Variants in PCDHGA2 observed in about 807,000 individuals in gnomAD.
PCDHGA2 encodes the protein protocadherin gamma subfamily A, 2.
Under a neutral mutation model 59.2 loss-of-function variants are expected in PCDHGA2, and 40 were observed. That is an observed-to-expected ratio of 0.68 (90% CI 0.52 to 0.88). The LOEUF is 0.88. Ranked by LOEUF, PCDHGA2 falls within the 40% of genes least tolerant of loss-of-function variation. The pLI, the probability that PCDHGA2 is intolerant of heterozygous loss-of-function variation, is 0.00. For missense variants in PCDHGA2, 1,226 were observed against 1,204.0 expected (o/e 1.02, Z -0.27); for synonymous variants, 560 against 526.0 (o/e 1.06, Z -0.89).
intron 1 of PCDHGA2, chr5:141,374,195 G>T (rs1770254935): frequency 1.2e-6 from 2 of 1,613,752 alleles, no homozygotes; most frequent in East Asian, 2.2e-5. Context: ...TATTCCCGAG[G>T]AGCTGGAGAA....
Position 141,424,835 on chromosome 5 carries a change from T to C in PCDHGA2, c.2425-69972T>C, listed in dbSNP as rs999861185. Among the ~76,000 whole-genome samples, 20 of 152,310 alleles carry C rather than the reference T, an allele frequency of 1.3e-4. No individual in the cohort carries two copies. The South Asian group carries it at 3.5e-3, about 27-fold the overall frequency. On this transcript the variant is annotated intron_variant, in intron 1 of 3. Coordinates refer to ENST00000394576, the MANE Select transcript of PCDHGA2 (RefSeq NM_018915.4). ...AAGCTTGATAGTTGCCTGACATACA[T>C]GTTATCTGAAGCAATGTCTAGGAAA... is the stretch of plus-strand genomic sequence containing the variant.
At chr5:141,495,974 CTCTT>C (rs1562171251) in intron 2 of PCDHGA2, among the ~76,000 whole-genome samples, 2 of 152,032 alleles carry the variant, frequency 1.3e-5, no homozygotes, top group Non-Finnish European at 1.5e-5. Context: ...TTCTCTGTTA[CTCTT>C]TCTTTATCTC....
At chr5:141,390,830 G>A in intron 1 of PCDHGA2, 1 of 164,036 alleles carries the variant, frequency 6.1e-6, no homozygotes, top group Non-Finnish European at 1.3e-5. Flanking sequence ...TATGTCCATG[G>A]ACCCCTTGTG....
At chr5:141,377,620 ATT>A (rs1307213511) in intron 1 of PCDHGA2, 1 of 149,664 alleles carries the variant, frequency 6.7e-6, no homozygotes, top group Non-Finnish European at 1.5e-5. Context: ...AAAAAAAAAG[ATT>A]TTGTTTTTTC....
intron 1 of PCDHGA2, chr5:141,409,037 T>G (rs770619339): frequency 1.2e-6 from 2 of 1,613,992 alleles, no homozygotes; most frequent in South Asian, 2.2e-5. Context: ...TGAGATAAAC[T>G]ACTACTTCCG....
intron 1 of PCDHGA2, chr5:141,395,576 G>A: frequency 4.2e-6 from 1 of 237,360 alleles, no homozygotes; most frequent in Non-Finnish European, 8.1e-6. Flanking sequence ...GTGTGTGTGT[G>A]TGTGTGTGTG....
In PCDHGA2 at chr5:141,340,943, G is replaced by A. The variant is rs1757003557; in HGVS notation, c.1972G>A (p.Val658Ile). The A allele has an allele frequency of 6.2e-7, 1 of 1,613,692 alleles. No individual in the cohort carries two copies. The highest frequency in any genetic ancestry group is 1.3e-5 in the African/African-American group (1 of 74,926). The change falls in exon 1 of 4, where the codon GTC becomes ATC. Residue 658 changes from valine to isoleucine, a missense_variant. Transcript: ENST00000394576. ...CGGCCAGCCCCCTCTCTCCGCCACT[G>A]TCACGCTCACCGTGGCCGTGGCCGA... is the stretch of plus-strand genomic sequence containing the variant. ...DHGQPPLSAT[V>I]TLTVAVADRI...
At chr5:141,479,470 T>G (rs2099497188) in intron 1 of PCDHGA2, 1 of 152,250 alleles carries the variant, frequency 6.6e-6, no homozygotes, top group African/African-American at 2.4e-5. Context: ...CAGTGACCTC[T>G]TGGGAGGGCA....
At chr5:141,370,379 A>G in intron 1 of PCDHGA2, 2 of 1,529,484 alleles carry the variant, frequency 1.3e-6, no homozygotes, top group Non-Finnish European at 1.8e-6. Flanking sequence ...AGAAAGGCAA[A>G]GGCGCAGAGA....
At position 141,432,688 on chromosome 5, in the gene PCDHGA2, A is replaced by G. The variant is rs143889434; in HGVS notation, c.2425-62119A>G. On this transcript the variant is annotated intron_variant, in intron 1 of 3. Coordinates refer to ENST00000394576, the MANE Select transcript of PCDHGA2 (RefSeq NM_018915.4). The surrounding 1 kb of genome is among the most constrained non-coding windows in gnomAD (Gnocchi z 6.0). ...GAGACGCGCTCAAGCAGAGCCTCGT[A>G]GTGGCCGTCCAGGACCACGGCCAGC... 2,218 of 1,613,894 alleles carry G rather than the reference A, an allele frequency of 1.4e-3. 31 individuals are homozygous for G. The African/African-American group carries it at 0.023, about 17-fold the overall frequency.
At chr5:141,345,063 G>T in intron 1 of PCDHGA2, 1 of 1,613,936 alleles carries the variant, frequency 6.2e-7, no homozygotes, top group Non-Finnish European at 8.5e-7. Flanking sequence ...GAATGACAAT[G>T]CTCCAGAAAT....
rs1412247634 is a variant in PCDHGA2, at chr5:141,391,586, A to AAT, written c.2424+50195_2424+50196dup. 2.0e-5 allele frequency: 3 copies of AAT among 152,352 alleles called. No homozygotes were observed. In the South Asian group the frequency reaches 6.2e-4, roughly 32 times the overall value. The allele number at this position is 152,352 out of a possible 1,614,324, so 9.4% of individuals were successfully genotyped here. ...GCATAAGAAAATATATTCACAGGAA[A>AAT]ATATAAAGTTTTCAGATTTCATGAG... On this transcript the variant is annotated intron_variant, in intron 1 of 3. Coordinates refer to ENST00000394576, the MANE Select transcript of PCDHGA2 (RefSeq NM_018915.4).
intron 1 of PCDHGA2, chr5:141,352,748 A>C: frequency 2.1e-6 from 3 of 1,432,690 alleles, no homozygotes; most frequent in Non-Finnish European, 2.8e-6. Context: ...CCAGCACTTA[A>C]CCAGGCTGAG....
At chr5:141,483,323 G>A (rs2099579999) in intron 1 of PCDHGA2, among the ~76,000 whole-genome samples, 1 of 152,104 alleles carries the variant, frequency 6.6e-6, no homozygotes, top group Non-Finnish European at 1.5e-5. Flanking sequence ...GGGACTGGAG[G>A]CAAAGAGATC....
chr5:141,353,792 A>G (rs1327705578), intron 1 of PCDHGA2, among the ~76,000 whole-genome samples: 1 of 152,212 alleles, frequency 6.6e-6, no homozygotes, highest in African/African-American at 2.4e-5. Context: ...TTATTTCCAA[A>G]CATCTTATTT....
intron 1 of PCDHGA2, chr5:141,478,675 G>A (rs1264846161): frequency 6.4e-7 from 1 of 1,551,574 alleles, no homozygotes; most frequent in South Asian, 1.2e-5. Context: ...ACTTTCAACT[G>A]GCCCTTCCTA....
At chr5:141,349,628 A>C (rs1364832627) in intron 1 of PCDHGA2, among the ~76,000 whole-genome samples, 4 of 152,190 alleles carry the variant, frequency 2.6e-5, no homozygotes, top group African/African-American at 9.7e-5. Context: ...TTGATAACAT[A>C]TATATGGAGA....
Position 141,490,220 on chromosome 5 carries a change from A to G in PCDHGA2, c.2425-4587A>G. 6.2e-7 allele frequency: 1 copy of G among 1,614,252 alleles called. No individual in the cohort carries two copies. Among genetic ancestry groups the G allele is most frequent in the Non-Finnish European group, 8.5e-7 (1 of 1,180,044 alleles). On this transcript the variant is annotated intron_variant, in intron 1 of 3. Coordinates refer to ENST00000394576, the MANE Select transcript of PCDHGA2 (RefSeq NM_018915.4). This position sits in a 1 kb window ranked among gnomAD's most constrained non-coding sequence, Gnocchi z 5.4. The stretch of plus-strand genomic sequence containing the variant: ...CATGCAAGAGCCCGTGACCAGGGAC[A>G]GCCTGCCATGGAGGGCCACTGTGTG...
chr5:141,350,528 GAGA>G (rs1177062364), intron 1 of PCDHGA2: 5 of 1,613,916 alleles, frequency 3.1e-6, no homozygotes, highest in Admixed American at 1.7e-5. Flanking sequence ...GATAGATCGA[GAGA>G]AGATTTGCGG....
Sources: gnomAD v4.1 joint callset for allele counts (sites outside exome capture counted in the v4.1 genomes callset) on GRCh38, gnomAD v4.1.1 for gene constraint, Gnocchi (gnomAD v3.1) non-coding constraint, MANE v1.5 for transcripts, NCBI Gene and HGNC (gene_info 2026-07-23, HGNC 2026-07-21) for gene names.